SOX6: variants seen among roughly 807,000 people sequenced by gnomAD.
SOX6 encodes transcription factor SOX-6.
Under a neutral mutation model 97.8 loss-of-function variants are expected in SOX6, and 11 were observed. That is an observed-to-expected ratio of 0.11 (90% CI 0.07 to 0.19). SOX6 has a LOEUF of 0.19. Ranked by LOEUF, SOX6 falls within the 10% of genes least tolerant of loss-of-function variation. SOX6 has a pLI of 1.00. For synonymous variants in SOX6, 360 were observed against 371.4 expected, an observed-to-expected ratio of 0.97 and a Z score of 0.35; for missense variants, 810 against 1,039.5, an observed-to-expected ratio of 0.78 and a Z score of 3.04.
At chr11:16,111,173 T>C (rs1039492450) in intron 7 of SOX6, among the ~76,000 whole-genome samples, 7 of 152,146 alleles carry the variant, frequency 4.6e-5, no homozygotes, top group African/African-American at 1.4e-4. Context: ...ATGCCCCTAA[T>C]TGAATTCCCC....
At chr11:16,022,704 C>A (rs546722278) in intron 12 of SOX6, among the ~76,000 whole-genome samples, 1 of 152,112 alleles carries the variant, frequency 6.6e-6, no homozygotes, top group Non-Finnish European at 1.5e-5. Context: ...TGAGCCACTG[C>A]GCCCAATCAA....
At chr11:16,645,394 C>T (rs1254010433) in intron 3 of SOX6, among the ~76,000 whole-genome samples, 2 of 152,144 alleles carry the variant, frequency 1.3e-5, no homozygotes, top group Admixed American at 6.5e-5. Flanking sequence ...GTTTTTATTA[C>T]ATGAACATCC....
intron 4 of SOX6, chr11:16,567,415 A>G (rs1354872718): frequency 6.6e-6 from 1 of 152,224 alleles, no homozygotes; most frequent in East Asian, 1.9e-4. Context: ...TAACCTTTCA[A>G]TCAAAACACA....
intron 6 of SOX6, among the ~76,000 whole-genome samples, chr11:16,146,218 C>T (rs913095707): frequency 2.6e-5 from 4 of 152,166 alleles, no homozygotes; most frequent in African/African-American, 9.7e-5. Context: ...ACTATCTGAT[C>T]TTTGACAAAC....
intron 4 of SOX6, among the ~76,000 whole-genome samples, chr11:16,586,942 A>G (rs1321516426): frequency 6.6e-6 from 1 of 152,172 alleles, no homozygotes; most frequent in Non-Finnish European, 1.5e-5. Context: ...AAACTATGAC[A>G]TGAGAATTGT....
chr11:16,356,663 T>C (rs1287771413), upstream of SOX6, among the ~76,000 whole-genome samples: 1 of 152,096 alleles, frequency 6.6e-6, no homozygotes, highest in Non-Finnish European at 1.5e-5. Flanking sequence ...CAAGCATTGT[T>C]GAAAGAAAGA....
intron 6 of SOX6, among the ~76,000 whole-genome samples, chr11:16,132,405 G>GAAAA (rs1248010884): frequency 1.3e-4 from 6 of 47,608 alleles, no homozygotes; most frequent in African/African-American, 5.7e-4. Context: ...AAAGAAAAAA[G>GAAAA]AAAGAAAGAA....
At chr11:16,007,488 G>A (rs1414411642) in intron 13 of SOX6, among the ~76,000 whole-genome samples, 2 of 152,006 alleles carry the variant, frequency 1.3e-5, no homozygotes, top group Non-Finnish European at 2.9e-5. Context: ...AGGACTGGGT[G>A]GGTACTGACT....
At chr11:16,730,031 T>TATATATAC (rs1554903368) in intron 2 of SOX6, among the ~76,000 whole-genome samples, 2 of 147,076 alleles carry the variant, frequency 1.4e-5, no homozygotes, top group African/African-American at 5.0e-5. Context: ...CTATCCTAAA[T>TATATATAC]ATATATATAT....
At chr11:16,128,279 G>A (rs1288602592) in intron 6 of SOX6, among the ~76,000 whole-genome samples, 1 of 152,148 alleles carries the variant, frequency 6.6e-6, no homozygotes, top group Admixed American at 6.5e-5. Flanking sequence ...TAAGGGTGCT[G>A]AATACATTCA....
chr11:16,153,812 T>C (rs574416808), intron 6 of SOX6, among the ~76,000 whole-genome samples: 1 of 152,186 alleles, frequency 6.6e-6, no homozygotes, highest in South Asian at 2.1e-4. Context: ...GATAAAATAC[T>C]GAGGAAAATC....
At position 16,574,031 on chromosome 11, in the gene SOX6, T is replaced by C. The variant is rs191281824; in HGVS notation, n.609+38050A>G. 3.9e-3 allele frequency among the ~76,000 whole-genome samples: 596 copies of C among 152,302 alleles called. 3 individuals carry two copies. Among genetic ancestry groups the C allele is most frequent in the African/African-American group, 0.014 (574 of 41,574 alleles). On this transcript the variant is annotated intron_variant and non_coding_transcript_variant, in intron 4 of 5. Coordinates refer to the SOX6 transcript ENST00000524520. ...GAAAATATGTTAATATATTGAAAGATTCTATGTTATCAAAGTATCATTTCC... is the reference window on the plus strand; with the variant it reads ...GAAAATATGTTAATATATTGAAAGACTCTATGTTATCAAAGTATCATTTCC...
intron 3 of SOX6, among the ~76,000 whole-genome samples, chr11:16,278,451 C>A (rs1437726184): frequency 6.6e-6 from 1 of 152,052 alleles, no homozygotes; most frequent in Non-Finnish European, 1.5e-5. Context: ...CACAAATACA[C>A]ACTTCATCTG....
intron 4 of SOX6, among the ~76,000 whole-genome samples, chr11:16,494,826 G>A (rs1273216219): frequency 6.6e-6 from 1 of 152,128 alleles, no homozygotes; most frequent in Non-Finnish European, 1.5e-5. Flanking sequence ...TAATCATAGG[G>A]GAGCTTGTCA....
intron 9 of SOX6, among the ~76,000 whole-genome samples, chr11:16,070,599 A>G (rs1213119505): frequency 1.3e-5 from 2 of 152,120 alleles, no homozygotes; most frequent in East Asian, 1.9e-4. Flanking sequence ...AGAAGAAACA[A>G]AAGGGTTAGT....
At chr11:16,488,593 AC>A (rs1860470813) in intron 4 of SOX6, among the ~76,000 whole-genome samples, 1 of 152,060 alleles carries the variant, frequency 6.6e-6, no homozygotes, top group African/African-American at 2.4e-5. Context: ...AGGGTACAAG[AC>A]CCTACAGTTG....
At chr11:16,706,736 T>C (rs1839656044) in intron 3 of SOX6, among the ~76,000 whole-genome samples, 1 of 150,928 alleles carries the variant, frequency 6.6e-6, no homozygotes, top group South Asian at 2.1e-4. Context: ...TGAGACCCTG[T>C]ACATTTTCAT....
chr11:16,152,240 T>C (rs919380982), intron 6 of SOX6, among the ~76,000 whole-genome samples: 17 of 152,196 alleles, frequency 1.1e-4, no homozygotes, highest in African/African-American at 4.1e-4. Flanking sequence ...TATAGATGTG[T>C]ATGCTTTGGA....
rs560756761 is a variant in SOX6, at chr11:16,593,531, A to T, written n.609+18550T>A. On this transcript the variant is annotated intron_variant and non_coding_transcript_variant, in intron 4 of 5. Transcript: ENST00000524520. ...CAAAATCCACCTTTAGAAAAAAAAA[A>T]ATCAGAATGCTCACCATATATGTTA... Among the ~76,000 whole-genome samples, 194 of 152,082 alleles carry T rather than the reference A, an allele frequency of 1.3e-3. 1 individual carries two copies. The highest frequency in any genetic ancestry group is 4.4e-3 in the African/African-American group (182 of 41,478).
Sources: gnomAD v4.1 joint callset for allele counts (sites outside exome capture counted in the v4.1 genomes callset) on GRCh38, gnomAD v4.1.1 for gene constraint, MANE v1.5 for transcripts, NCBI Gene and HGNC (gene_info 2026-07-23, HGNC 2026-07-21) for gene names.